Variants in CADM2 observed in about 807,000 individuals in gnomAD.
CADM2 encodes the protein cell adhesion molecule 2, also known as immunoglobulin superfamily member 4D.
CADM2 carries 12 observed loss-of-function variants against 49.8 expected under a neutral mutation model. The ratio of observed to expected loss-of-function variants is 0.24; its 90% CI spans 0.15 to 0.39. The LOEUF (loss-of-function observed/expected upper bound fraction) is 0.39, where lower values mean the gene tolerates loss of function less well. Among genes scored for constraint, CADM2 ranks in the 10% least tolerant of loss-of-function variants. CADM2 has a pLI of 1.00. For synonymous variants in CADM2, 214 were observed against 175.4 expected (o/e 1.22, Z -1.74); for missense variants, 378 against 492.3 (o/e 0.77, Z 2.20).
chr3:85,439,943 A>T (rs2037121888), intron 1 of CADM2, among the ~76,000 whole-genome samples: 1 of 152,236 alleles, frequency 6.6e-6, no homozygotes, highest in Non-Finnish European at 1.5e-5. Flanking sequence ...TATAAATCAA[A>T]GTAGTTATTT....
chr3:85,807,739 T>C (rs1437696074), intron 3 of CADM2, among the ~76,000 whole-genome samples: 1 of 152,020 alleles, frequency 6.6e-6, no homozygotes, highest in Non-Finnish European at 1.5e-5. Flanking sequence ...GCACTTACTG[T>C]TTTGGAAAGC....
intron 1 of CADM2, among the ~76,000 whole-genome samples, chr3:85,415,929 A>C (rs1022268497): frequency 7.9e-5 from 12 of 152,070 alleles, no homozygotes; most frequent in African/African-American, 2.9e-4. Context: ...ATAATATATT[A>C]TTTACTGTGA....
At chr3:85,635,228 CA>C (rs2064433328) in intron 1 of CADM2, among the ~76,000 whole-genome samples, 2 of 152,018 alleles carry the variant, frequency 1.3e-5, no homozygotes, top group South Asian at 4.1e-4. Context: ...GCCTGATGCA[CA>C]AAAAATTTTC....
At chr3:85,193,279 G>C (rs989575152) in intron 1 of CADM2, among the ~76,000 whole-genome samples, 1 of 151,982 alleles carries the variant, frequency 6.6e-6, no homozygotes, top group East Asian at 1.9e-4. Flanking sequence ...CATTTTCTCT[G>C]GTCTTTATGT....
intron 1 of CADM2, among the ~76,000 whole-genome samples, chr3:85,428,628 T>C (rs865915480): frequency 6.8e-6 from 1 of 146,242 alleles, no homozygotes; most frequent in Non-Finnish European, 1.5e-5. Flanking sequence ...AATATTTACA[T>C]ATAAAAATAT....
intron 1 of CADM2, among the ~76,000 whole-genome samples, chr3:85,248,655 G>A (rs537574893): frequency 6.6e-6 from 1 of 152,294 alleles, no homozygotes; most frequent in African/African-American, 2.4e-5. Flanking sequence ...GCATGTCACT[G>A]TGATAGGTTG....
chr3:85,232,132 AGAT>A (rs2042307747), intron 1 of CADM2, among the ~76,000 whole-genome samples: 1 of 98,638 alleles, frequency 1.0e-5, no homozygotes, highest in South Asian at 3.0e-4. Context: ...TTCGATTTGA[AGAT>A]ATTATTATTA....
At chr3:85,707,279 A>G (rs1284589528) in intron 1 of CADM2, among the ~76,000 whole-genome samples, 4 of 151,934 alleles carry the variant, frequency 2.6e-5, no homozygotes, top group African/African-American at 9.7e-5. Flanking sequence ...TTAGGATGTA[A>G]AACTGATTTG....
At chr3:85,918,464 T>A (rs1208218667) in intron 6 of CADM2, among the ~76,000 whole-genome samples, 1 of 152,178 alleles carries the variant, frequency 6.6e-6, no homozygotes, top group African/African-American at 2.4e-5. Context: ...ATTTATTGAT[T>A]TTCGTATGTT....
chr3:85,332,785 T>A (rs979314514), intron 1 of CADM2, among the ~76,000 whole-genome samples: 2 of 151,952 alleles, frequency 1.3e-5, no homozygotes, highest in African/African-American at 4.8e-5. Context: ...ATAAAAGATC[T>A]ACTGCTAGTT....
At chr3:85,045,452 A>G (rs192772059) in intron 1 of CADM2, among the ~76,000 whole-genome samples, 2 of 152,232 alleles carry the variant, frequency 1.3e-5, no homozygotes, top group East Asian at 1.9e-4. Flanking sequence ...TTATTTTACA[A>G]TGTGGGCTAT....
intron 1 of CADM2, among the ~76,000 whole-genome samples, chr3:85,516,894 A>G (rs942340513): frequency 1.3e-5 from 2 of 152,042 alleles, no homozygotes; most frequent in Non-Finnish European, 2.9e-5. Context: ...ATTTAATACC[A>G]TTTACAGTTT....
rs1338998658 is a variant in CADM2, at chr3:85,547,188, G to C, written c.62-179334G>C. Among the ~76,000 whole-genome samples the C allele has an allele frequency of 2.0e-5, 3 of 151,838 alleles. No individual in the cohort carries two copies. The East Asian group carries it at 5.8e-4, about 30-fold the overall frequency. On this transcript the variant is annotated intron_variant, in intron 1 of 9. Coordinates refer to ENST00000383699, the MANE Select transcript of CADM2 (RefSeq NM_001167675.2). ...TCATTTGAAAACTGCATTTTTTCAG[G>C]CTGGTGATAGCAGATCTGTAATATA...
intron 1 of CADM2, among the ~76,000 whole-genome samples, chr3:85,323,456 T>C (rs1357705862): frequency 6.6e-6 from 1 of 152,190 alleles, no homozygotes; most frequent in African/African-American, 2.4e-5. Context: ...TCTGTTATTA[T>C]GGTGTTCCTC....
intron 8 of CADM2, among the ~76,000 whole-genome samples, chr3:86,039,794 G>T (rs1012840635): frequency 1.3e-5 from 2 of 151,754 alleles, no homozygotes; most frequent in East Asian, 1.9e-4. Context: ...CCTCAAGTGG[G>T]TCCCTGACCC....
chr3:85,830,650 G>C (rs1215509855), intron 3 of CADM2, among the ~76,000 whole-genome samples: 1 of 151,730 alleles, frequency 6.6e-6, no homozygotes, highest in Non-Finnish European at 1.5e-5. Flanking sequence ...TATGGTTTTA[G>C]AGCTTACATT....
chr3:85,107,413 C>T (rs923504051), intron 1 of CADM2, among the ~76,000 whole-genome samples: 12 of 151,986 alleles, frequency 7.9e-5, no homozygotes, highest in South Asian at 2.1e-4. Flanking sequence ...TATACCACTT[C>T]GCAACATTAG....
At chr3:85,136,332 G>A (rs1374603809) in intron 1 of CADM2, among the ~76,000 whole-genome samples, 1 of 128,500 alleles carries the variant, frequency 7.8e-6, no homozygotes, top group Non-Finnish European at 1.8e-5. Flanking sequence ...TAGGTACTGA[G>A]TAATGTGTGT....
intron 1 of CADM2, among the ~76,000 whole-genome samples, chr3:85,580,574 A>G (rs1049254577): frequency 6.6e-6 from 1 of 152,140 alleles, no homozygotes; most frequent in African/African-American, 2.4e-5. Context: ...TTCCTTTTTC[A>G]AATATAGATA....
Sources: gnomAD v4.1 joint callset for allele counts (sites outside exome capture counted in the v4.1 genomes callset) on GRCh38, gnomAD v4.1.1 for gene constraint, MANE v1.5 for transcripts, NCBI Gene and HGNC (gene_info 2026-07-23, HGNC 2026-07-21) for gene names.